Variants in HNF4G observed in about 807,000 individuals in gnomAD.
The protein encoded by HNF4G is hepatocyte nuclear factor 4-gamma.
A neutral mutation model predicts 50.9 loss-of-function variants in HNF4G; 21 were observed. That is an observed-to-expected ratio of 0.41 (90% CI 0.29 to 0.59). The LOEUF (loss-of-function observed/expected upper bound fraction) is 0.59. Among genes scored for constraint, HNF4G ranks in the 20% least tolerant of loss-of-function variants. The pLI, the probability that HNF4G is intolerant of heterozygous loss-of-function variation, is 0.26. For missense variants in HNF4G, 527 were observed against 559.4 expected, an observed-to-expected ratio of 0.94 and a Z score of 0.58; for synonymous variants, 198 against 185.6, an observed-to-expected ratio of 1.07 and a Z score of -0.54.
chr8:75,424,009 A>T (rs1810836689), intron 1 of HNF4G, among the ~76,000 whole-genome samples: 3 of 149,244 alleles, frequency 2.0e-5, no homozygotes, highest in Non-Finnish European at 4.5e-5. Flanking sequence ...TTTTTAGTAG[A>T]CACGGGTTTC....
chr8:75,449,687 T>TTA (rs974498374), intron 1 of HNF4G, among the ~76,000 whole-genome samples: 201 of 151,946 alleles, frequency 1.3e-3, no homozygotes, highest in African/African-American at 4.6e-3. Context: ...TTTTGTATTT[T>TTA]TAGTAGAGAC....
At chr8:75,523,084 G>C (rs1171507951) in intron 2 of HNF4G, among the ~76,000 whole-genome samples, 2 of 152,064 alleles carry the variant, frequency 1.3e-5, no homozygotes, top group African/African-American at 4.8e-5. Flanking sequence ...AATTAGCCGA[G>C]CTTGGTGGCG....
chr8:75,519,142 G>A (rs991375815), intron 2 of HNF4G, among the ~76,000 whole-genome samples: 2 of 152,126 alleles, frequency 1.3e-5, no homozygotes, highest in Admixed American at 6.5e-5. Flanking sequence ...CTAGGGCAGG[G>A]GCAAAATGCC....
intron 1 of HNF4G, among the ~76,000 whole-genome samples, chr8:75,430,428 C>T (rs867416915): frequency 6.7e-6 from 1 of 148,422 alleles, no homozygotes; most frequent in South Asian, 2.2e-4. Context: ...AAAGACAATA[C>T]TTATTGTGAA....
chr8:75,451,945 T>C (rs76185957), intron 1 of HNF4G, among the ~76,000 whole-genome samples: 7,589 of 152,242 alleles, frequency 0.05, 274 homozygotes, highest in African/African-American at 0.09. Flanking sequence ...GAAGATTTCA[T>C]GCACAATGTC....
chr8:75,516,480 C>A (rs1298465490), intron 2 of HNF4G, among the ~76,000 whole-genome samples: 1 of 151,904 alleles, frequency 6.6e-6, no homozygotes, highest in East Asian at 1.9e-4. Flanking sequence ...ATTTTATGAA[C>A]CAGAATAGGG....
At chr8:75,523,409 A>G (rs1344069705) in intron 2 of HNF4G, among the ~76,000 whole-genome samples, 1 of 152,184 alleles carries the variant, frequency 6.6e-6, no homozygotes, top group Non-Finnish European at 1.5e-5. Flanking sequence ...TCTAGGTCTC[A>G]TGACTGCAAT....
chr8:75,433,445 G>A (rs1035130872), intron 1 of HNF4G, among the ~76,000 whole-genome samples: 23 of 149,510 alleles, frequency 1.5e-4, no homozygotes, highest in African/African-American at 5.4e-4. Context: ...GAAACTTTAA[G>A]ATCAATTTTA....
chr8:75,491,882 C>A (rs894099019), intron 2 of HNF4G, among the ~76,000 whole-genome samples: 6 of 152,274 alleles, frequency 3.9e-5, no homozygotes, highest in Admixed American at 6.5e-5. Context: ...TCTAGACAGG[C>A]CACTGTGGTT....
At chr8:75,452,407 G>T (rs1374565374) in intron 1 of HNF4G, among the ~76,000 whole-genome samples, 1 of 151,970 alleles carries the variant, frequency 6.6e-6, no homozygotes, top group Non-Finnish European at 1.5e-5. Context: ...TTCCAAATAA[G>T]TATCTTTTTA....
At chr8:75,523,866 G>A (rs1806112498) in intron 2 of HNF4G, among the ~76,000 whole-genome samples, 1 of 151,810 alleles carries the variant, frequency 6.6e-6, no homozygotes, top group Non-Finnish European at 1.5e-5. Context: ...ATTGGTAATT[G>A]TCTTATCTTT....
At chr8:75,554,943 G>A (rs1585953422) in intron 5 of HNF4G, among the ~76,000 whole-genome samples, 1 of 152,152 alleles carries the variant, frequency 6.6e-6, no homozygotes, top group Non-Finnish European at 1.5e-5. Flanking sequence ...TCCAGATACA[G>A]GAACAGCATG....
intron 1 of HNF4G, among the ~76,000 whole-genome samples, chr8:75,452,489 G>A (rs1166187026): frequency 1.3e-5 from 2 of 152,170 alleles, no homozygotes; most frequent in Non-Finnish European, 2.9e-5. Flanking sequence ...GGAGCCCGAA[G>A]CGGGGGGATC....
chr8:75,470,231 T>A (rs1812083235), intron 1 of HNF4G, among the ~76,000 whole-genome samples: 1 of 152,230 alleles, frequency 6.6e-6, no homozygotes, highest in South Asian at 2.1e-4. Context: ...ATTCAAGAAT[T>A]GTTTCATGGA....
intron 2 of HNF4G, among the ~76,000 whole-genome samples, chr8:75,520,305 T>C (rs1249252023): frequency 6.6e-6 from 1 of 152,174 alleles, no homozygotes; most frequent in African/African-American, 2.4e-5. Flanking sequence ...AGAAACTTTT[T>C]CTTTCACTAT....
intron 1 of HNF4G, among the ~76,000 whole-genome samples, chr8:75,432,082 T>C (rs1293809646): frequency 6.6e-6 from 1 of 151,798 alleles, no homozygotes; most frequent in African/African-American, 2.4e-5. Context: ...ACCCCATCTC[T>C]ACAGAAATAA....
chr8:75,485,426 A>G (rs1486796683), intron 1 of HNF4G, among the ~76,000 whole-genome samples: 2 of 152,192 alleles, frequency 1.3e-5, no homozygotes, highest in Admixed American at 6.5e-5. Context: ...CAATGTCATA[A>G]ATATATTTTA....
chr8:75,523,688 C>A (rs771828501), intron 2 of HNF4G, among the ~76,000 whole-genome samples: 11 of 151,808 alleles, frequency 7.2e-5, no homozygotes, highest in Non-Finnish European at 1.6e-4. Flanking sequence ...TAGAAAGATG[C>A]AATGAATTTT....
intron 2 of HNF4G, among the ~76,000 whole-genome samples, chr8:75,505,085 G>T (rs947283844): frequency 3.9e-5 from 6 of 152,098 alleles, no homozygotes; most frequent in Non-Finnish European, 7.4e-5. Context: ...GGGTTTTATG[G>T]ATAATTTACT....
Sources: gnomAD v4.1 joint callset for allele counts (sites outside exome capture counted in the v4.1 genomes callset) on GRCh38, gnomAD v4.1.1 for gene constraint, MANE v1.5 for transcripts, NCBI Gene and HGNC (gene_info 2026-07-23, HGNC 2026-07-21) for gene names.